Variants in MAEA observed in about 807,000 individuals in gnomAD.
The protein encoded by MAEA is E3 ubiquitin-protein transferase MAEA.
In MAEA, 22 loss-of-function variants were observed where a neutral mutation model predicts 46.2. The ratio of observed to expected loss-of-function variants is 0.48; its 90% CI spans 0.34 to 0.68. The LOEUF (loss-of-function observed/expected upper bound fraction) is 0.68. Ranked by LOEUF, MAEA falls within the 30% of genes least tolerant of loss-of-function variation. The pLI is 0.01. For missense variants in MAEA, 393 were observed against 558.1 expected, an observed-to-expected ratio of 0.70 and a Z score of 2.98; for synonymous variants, 246 against 222.6, an observed-to-expected ratio of 1.11 and a Z score of -0.94.
At chr4:1,291,497 G>C (rs1734104595) in intron 1 of MAEA, among the ~76,000 whole-genome samples, 1 of 152,230 alleles carries the variant, frequency 6.6e-6, no homozygotes. Context: ...CTGCAGCTGA[G>C]AGAAGTCTAT....
rs546618175 is a variant in MAEA, at chr4:1,303,380, C to T, written c.70-8599C>T. Among the ~76,000 whole-genome samples, 134 of 120,354 alleles carry T rather than the reference C, an allele frequency of 1.1e-3. 1 individual carries two copies. Among genetic ancestry groups the T allele is most frequent in the African/African-American group, 4.5e-3 (132 of 29,464 alleles). The allele number at this position is 120,354 out of a possible 152,430, so 79.0% of individuals were successfully genotyped here. ...TCGCACTACTGCACTCCAGCCTGGG[C>T]GACAGTGAGACTCTGTCTCAAAAAA... On this transcript the variant is annotated intron_variant, in intron 1 of 8. Coordinates refer to ENST00000303400, the MANE Select transcript of MAEA (RefSeq NM_001017405.3).
chr4:1,336,728 A>C (rs1201213118), intron 6 of MAEA, 133 bp from the exon 7 acceptor site: 17 of 728,914 alleles, frequency 2.3e-5, no homozygotes, highest in Non-Finnish European at 3.6e-5. Context: ...GCTGACCCTT[A>C]GTGCAAAGTG....
At chr4:1,293,632 T>C (rs1734334898) in intron 1 of MAEA, among the ~76,000 whole-genome samples, 1 of 152,122 alleles carries the variant, frequency 6.6e-6, no homozygotes, top group Non-Finnish European at 1.5e-5. Context: ...TGGGCCCACC[T>C]CTCCTCTCCT....
At chr4:1,322,332 G>C (rs763341841) in intron 3 of MAEA, 49 bp from the exon 4 acceptor site, 1 of 1,602,012 alleles carries the variant, frequency 6.2e-7, no homozygotes, top group South Asian at 1.1e-5. Flanking sequence ...GGTGGCATGG[G>C]GGCCTTGAGC....
chr4:1,312,769 T>C (rs886927789), intron 2 of MAEA, among the ~76,000 whole-genome samples: 1 of 152,128 alleles, frequency 6.6e-6, no homozygotes, highest in African/African-American at 2.4e-5. Context: ...CCAAGGAGCA[T>C]GTGGAGTTCC....
chr4:1,306,450 G>A (rs1054251804), intron 1 of MAEA, among the ~76,000 whole-genome samples: 1 of 152,150 alleles, frequency 6.6e-6, no homozygotes, highest in Non-Finnish European at 1.5e-5. Flanking sequence ...GGGAGGCGGA[G>A]GTTGCAGTGA....
intron 6 of MAEA, 96 bp from the exon 7 acceptor site, chr4:1,336,765 G>A: frequency 8.1e-7 from 1 of 1,227,554 alleles, no homozygotes; most frequent in Non-Finnish European, 1.1e-6. Context: ...ATGGCTGTGG[G>A]CCGATGGCAC....
At chr4:1,336,816 C>T (rs376917741) in intron 6 of MAEA, 45 bp from the exon 7 acceptor site, 24 of 1,586,654 alleles carry the variant, frequency 1.5e-5, no homozygotes, top group Non-Finnish European at 2.0e-5. Context: ...GTCCCAGGAG[C>T]TTCCCTGGGA....
chr4:1,309,114 A>G (rs13134106), intron 1 of MAEA, among the ~76,000 whole-genome samples: 51,741 of 152,040 alleles, frequency 0.34, 10,536 homozygotes, highest in Non-Finnish European at 0.46. Flanking sequence ...TGTGTCTTAC[A>G]TTGTCTTTGT....
At chr4:1,326,719 C>A (rs897335299) in intron 4 of MAEA, among the ~76,000 whole-genome samples, 1 of 152,106 alleles carries the variant, frequency 6.6e-6, no homozygotes, top group Middle Eastern at 3.4e-3. Context: ...CCTCCCTTCA[C>A]GCGAGCCGCC....
intron 2 of MAEA, chr4:1,312,373 T>C: frequency 1.8e-6 from 1 of 570,272 alleles, no homozygotes; most frequent in Non-Finnish European, 3.1e-6. Flanking sequence ...GCTCCAGGAG[T>C]GTCCAGAGTC....
rs763569676 is a variant in MAEA at position 1,339,171 on chromosome 4, C to G, written c.*2C>G. On this transcript the variant is annotated 3_prime_UTR_variant, in exon 9 of 9. Coordinates refer to ENST00000303400, the MANE Select transcript of MAEA (RefSeq NM_001017405.3). ...GCCGAGAAGGTGTACATCATGTAGG[C>G]CCCACGTCGTGAAGCGCACGCCTCG... 80 of 1,612,808 alleles carry G rather than the reference C, an allele frequency of 5.0e-5. No homozygotes were observed. Among genetic ancestry groups the G allele is most frequent in the Non-Finnish European group, 6.3e-5 (74 of 1,179,142 alleles).
At chr4:1,327,834 C>G in intron 5 of MAEA, 131 bp downstream of exon 5, 1 of 683,936 alleles carries the variant, frequency 1.5e-6, no homozygotes, top group East Asian at 2.7e-5. Flanking sequence ...GAGTCTGACC[C>G]CTGCCTGCTC....
At chr4:1,323,391 A>G in intron 4 of MAEA, 2 of 669,456 alleles carry the variant, frequency 3.0e-6, no homozygotes, top group East Asian at 2.7e-5. Context: ...CTCCATTAGC[A>G]AAACTTTTCT....
At chr4:1,296,897 TTC>T (rs1481924442) in intron 1 of MAEA, among the ~76,000 whole-genome samples, 2 of 152,100 alleles carry the variant, frequency 1.3e-5, no homozygotes, top group Admixed American at 6.5e-5. Context: ...CTATGCTGTC[TTC>T]TCTAGTCTTG....
chr4:1,297,841 A>G (rs2108863323), intron 1 of MAEA: 2 of 371,878 alleles, frequency 5.4e-6, no homozygotes, highest in Middle Eastern at 4.1e-4. Flanking sequence ...TCTTGGTCTC[A>G]TGGCCTGTGC....
chr4:1,323,385 A>G (rs1049146036), intron 4 of MAEA: 78 of 664,712 alleles, frequency 1.2e-4, no homozygotes, highest in African/African-American at 1.1e-3. Context: ...TTCTGCCTCC[A>G]TTAGCAAAAC....
intron 1 of MAEA, among the ~76,000 whole-genome samples, chr4:1,296,679 G>C (rs1226266422): frequency 6.6e-6 from 1 of 150,990 alleles, no homozygotes; most frequent in East Asian, 2.0e-4. Context: ...CCCTGTCTCT[G>C]CCCCTTCATG....
chr4:1,297,842 T>C, intron 1 of MAEA: 1 of 372,316 alleles, frequency 2.7e-6, no homozygotes, highest in South Asian at 1.9e-5. Context: ...CTTGGTCTCA[T>C]GGCCTGTGCT....
Sources: gnomAD v4.1 joint callset for allele counts (sites outside exome capture counted in the v4.1 genomes callset) on GRCh38, gnomAD v4.1.1 for gene constraint, MANE v1.5 for transcripts, NCBI Gene and HGNC (gene_info 2026-07-23, HGNC 2026-07-21) for gene names.